PCDH15: variants seen among roughly 807,000 people sequenced by gnomAD.
PCDH15 encodes protocadherin-15.
Under a neutral mutation model 178.5 loss-of-function variants are expected in PCDH15, and 129 were observed. The ratio of observed to expected loss-of-function variants is 0.72; its 90% CI spans 0.63 to 0.84. PCDH15 has a LOEUF of 0.84. Ranked by LOEUF, PCDH15 falls within the 40% of genes least tolerant of loss-of-function variation. The pLI is 0.00. For missense variants in PCDH15, 2,230 were observed against 2,099.9 expected (o/e 1.06, Z -1.21); for synonymous variants, 800 against 732.0 (o/e 1.09, Z -1.50).
intron 2 of PCDH15, among the ~76,000 whole-genome samples, chr10:55,382,896 T>A (rs890556172): frequency 6.6e-6 from 1 of 152,220 alleles, no homozygotes; most frequent in Admixed American, 6.5e-5. Context: ...AGCACTTTTG[T>A]GCTCCAGGCC....
At chr10:55,238,484 T>A (rs901867871) in intron 1 of PCDH15, among the ~76,000 whole-genome samples, 2 of 152,110 alleles carry the variant, frequency 1.3e-5, no homozygotes, top group Non-Finnish European at 2.9e-5. Flanking sequence ...TATCCAATAC[T>A]GAGAAAATTA....
At chr10:54,068,104 G>C (rs1303707277) in intron 17 of PCDH15, among the ~76,000 whole-genome samples, 1 of 152,088 alleles carries the variant, frequency 6.6e-6, no homozygotes, top group African/African-American at 2.4e-5. Flanking sequence ...TCCCTCAAAT[G>C]TAAACCCAGT....
intron 1 of PCDH15, among the ~76,000 whole-genome samples, chr10:55,234,257 G>T (rs533108456): frequency 6.6e-6 from 1 of 151,984 alleles, no homozygotes; most frequent in Non-Finnish European, 1.5e-5. Flanking sequence ...TCTTTGACAT[G>T]AAAGTTACAG....
chr10:55,016,086 A>G (rs940230635), intron 2 of PCDH15, among the ~76,000 whole-genome samples: 5 of 104,802 alleles, frequency 4.8e-5, no homozygotes, highest in Non-Finnish European at 7.1e-5. Flanking sequence ...CACCTCAATG[A>G]CCTTTTTTTT....
At chr10:54,918,360 G>C (rs77730763) in intron 2 of PCDH15, among the ~76,000 whole-genome samples, 10,041 of 152,088 alleles carry the variant, frequency 0.066, 1,078 homozygotes, top group African/African-American at 0.23. Flanking sequence ...TATAGGATTT[G>C]TTTTTTGGTT....
At chr10:55,512,860 T>A (rs1240592344) in intron 2 of PCDH15, 2 of 152,108 alleles carry the variant, frequency 1.3e-5, no homozygotes, top group African/African-American at 4.8e-5. Context: ...GAAACCAAGA[T>A]GACAATGGCA....
chr10:55,018,737 ATAGT>A (rs1209295317), intron 2 of PCDH15, among the ~76,000 whole-genome samples: 5 of 152,134 alleles, frequency 3.3e-5, no homozygotes, highest in African/African-American at 4.8e-5. Flanking sequence ...TATAAAAATA[ATAGT>A]TAGAATAATG....
At chr10:54,092,485 C>CA (rs747881028) in intron 15 of PCDH15, among the ~76,000 whole-genome samples, 6 of 151,214 alleles carry the variant, frequency 4.0e-5, no homozygotes, top group Non-Finnish European at 7.4e-5. Flanking sequence ...AAAATGGAAT[C>CA]AAAAAAAGTA....
chr10:54,026,047 A>G lies in PCDH15; in HGVS notation c.2221-2850T>C, dbSNP rs116373455. Among the ~76,000 whole-genome samples, 1,288 of 151,870 alleles carry G rather than the reference A, an allele frequency of 8.5e-3. 15 individuals carry two copies. The highest frequency in any genetic ancestry group is 0.029 in the African/African-American group (1,213 of 41,428). On this transcript the variant is annotated intron_variant, in intron 18 of 37. Transcript: ENST00000644397. Reference sequence around the variant, plus strand: ...TGTGTATACTGCCATATATAAATATATAGCAATCTATATTTTAGGATGGGA... The same window carrying G: ...TGTGTATACTGCCATATATAAATATGTAGCAATCTATATTTTAGGATGGGA...
At chr10:54,162,551 G>C (rs911123354) in intron 13 of PCDH15, among the ~76,000 whole-genome samples, 4 of 152,180 alleles carry the variant, frequency 2.6e-5, no homozygotes, top group Non-Finnish European at 5.9e-5. Context: ...TCCTCTGAGA[G>C]AACATTTTAT....
chr10:54,228,446 C>T (rs1167907777), intron 9 of PCDH15, among the ~76,000 whole-genome samples: 1 of 152,130 alleles, frequency 6.6e-6, no homozygotes, highest in African/African-American at 2.4e-5. Context: ...CCTTGTCCCT[C>T]CCACAACACA....
intron 32 of PCDH15, among the ~76,000 whole-genome samples, chr10:53,824,684 C>T (rs534101278): frequency 3.9e-5 from 6 of 152,092 alleles, no homozygotes; most frequent in Admixed American, 3.3e-4. Context: ...AAATATGGCA[C>T]GAACAACTGG....
chr10:55,502,697 G>A (rs1190189534), intron 2 of PCDH15, among the ~76,000 whole-genome samples: 1 of 151,594 alleles, frequency 6.6e-6, no homozygotes, highest in Non-Finnish European at 1.5e-5. Context: ...TGGGCTGATT[G>A]TTAGATTGGT....
intron 2 of PCDH15, among the ~76,000 whole-genome samples, chr10:55,361,476 C>T (rs1342176580): frequency 6.6e-6 from 1 of 151,782 alleles, no homozygotes; most frequent in South Asian, 2.1e-4. Context: ...ATTTGATAAG[C>T]TTTTTCTAAC....
chr10:53,808,792 C>A (rs1190179826), intron 37 of PCDH15: 1 of 1,612,074 alleles, frequency 6.2e-7, no homozygotes, highest in Non-Finnish European at 8.5e-7. Context: ...GCCCCATGGA[C>A]CTCCAGACTG....
chr10:54,317,988 T>C (rs1487944162), intron 7 of PCDH15, among the ~76,000 whole-genome samples: 1 of 152,192 alleles, frequency 6.6e-6, no homozygotes, highest in Non-Finnish European at 1.5e-5. Flanking sequence ...TTCACATTAC[T>C]AGACAGCCTA....
intron 2 of PCDH15, among the ~76,000 whole-genome samples, chr10:54,938,799 G>A (rs74482125): frequency 0.026 from 4,016 of 152,166 alleles, 168 homozygotes; most frequent in African/African-American, 0.089. Context: ...TAAAAGTGGA[G>A]AACTTTTCTC....
At chr10:54,149,459 G>C (rs1048085055) in intron 14 of PCDH15, among the ~76,000 whole-genome samples, 1 of 152,060 alleles carries the variant, frequency 6.6e-6, no homozygotes, top group African/African-American at 2.4e-5. Context: ...GAGAGAAGAT[G>C]AAAATCAAGC....
intron 3 of PCDH15, among the ~76,000 whole-genome samples, chr10:54,434,310 G>A (rs1375285928): frequency 1.3e-5 from 2 of 152,186 alleles, no homozygotes; most frequent in Non-Finnish European, 2.9e-5. Context: ...GTAATGTACA[G>A]TAATGTCCTA....
Sources: gnomAD v4.1 joint callset for allele counts (sites outside exome capture counted in the v4.1 genomes callset) on GRCh38, gnomAD v4.1.1 for gene constraint, MANE v1.5 for transcripts, NCBI Gene and HGNC (gene_info 2026-07-23, HGNC 2026-07-21) for gene names.